Variants in ADAMTS18 observed in about 807,000 individuals in gnomAD.
ADAMTS18 encodes ADAM metallopeptidase with thrombospondin type 1 motif 18, also known as A disintegrin and metalloproteinase with thrombospondin motifs 18.
ADAMTS18 carries 157 observed loss-of-function variants against 165.9 expected under a neutral mutation model. The observed-to-expected ratio is 0.95, with a 90% confidence interval of 0.83 to 1.08. ADAMTS18 has a LOEUF of 1.08. ADAMTS18 is among the 50% of genes least tolerant of loss of function. The pLI, the probability that ADAMTS18 is intolerant of heterozygous loss-of-function variation, is 0.00. For missense variants in ADAMTS18, 2,040 were observed against 1,534.0 expected (o/e 1.33, Z -5.51); for synonymous variants, 782 against 578.2 (o/e 1.35, Z -5.06).
intron 12 of ADAMTS18, among the ~76,000 whole-genome samples, chr16:77,328,250 G>A (rs985434731): frequency 1.6e-4 from 24 of 152,118 alleles, no homozygotes; most frequent in African/African-American, 5.8e-4. Flanking sequence ...CTTACTCCGT[G>A]CACAAAGATG....
chr16:77,401,810 C>G (rs2057335476), intron 3 of ADAMTS18, among the ~76,000 whole-genome samples: 4 of 152,330 alleles, frequency 2.6e-5, no homozygotes, highest in African/African-American at 9.6e-5. Context: ...TGATCTCTCT[C>G]TCGCTCTCTT....
chr16:77,364,135 C>A, intron 5 of ADAMTS18, 53 bp downstream of exon 5: 1 of 1,608,820 alleles, frequency 6.2e-7, no homozygotes, highest in African/African-American at 1.3e-5. Flanking sequence ...AAGAGAATTC[C>A]ATGACATTTA....
At chr16:77,373,128 G>C (rs541636585) in intron 3 of ADAMTS18, among the ~76,000 whole-genome samples, 1 of 151,564 alleles carries the variant, frequency 6.6e-6, no homozygotes, top group Non-Finnish European at 1.5e-5. Context: ...TGGCTTTCTG[G>C]TGCTCATTGC....
intron 9 of ADAMTS18, among the ~76,000 whole-genome samples, 178 bp downstream of exon 9, chr16:77,355,762 T>C (rs1056285510): frequency 6.6e-6 from 1 of 152,194 alleles, no homozygotes; most frequent in Non-Finnish European, 1.5e-5. Context: ...AACATTAGGC[T>C]TCAATCTATT....
chr16:77,328,421 TG>T (rs1386656211), intron 12 of ADAMTS18, among the ~76,000 whole-genome samples: 2 of 152,184 alleles, frequency 1.3e-5, no homozygotes, highest in Admixed American at 6.5e-5. Flanking sequence ...AAAACAGCCC[TG>T]GAGTTGCTTC....
At chr16:77,418,337 T>C (rs1166725654) in intron 3 of ADAMTS18, among the ~76,000 whole-genome samples, 1 of 152,172 alleles carries the variant, frequency 6.6e-6, no homozygotes, top group Non-Finnish European at 1.5e-5. Flanking sequence ...AGAATAGAGT[T>C]TGTGATTGTG....
At chr16:77,334,817 T>A (rs868477971) in intron 12 of ADAMTS18, among the ~76,000 whole-genome samples, 221 of 74,380 alleles carry the variant, frequency 3.0e-3, no homozygotes, top group South Asian at 4.1e-3. Context: ...GTATACAGTA[T>A]ATATACTATA....
intron 3 of ADAMTS18, among the ~76,000 whole-genome samples, chr16:77,372,884 T>G (rs1461883502): frequency 6.6e-6 from 1 of 152,176 alleles, no homozygotes. Context: ...TGTCCAGCAC[T>G]AATCAACTTC....
At chr16:77,420,446 G>C (rs1327120933) in intron 3 of ADAMTS18, among the ~76,000 whole-genome samples, 1 of 152,070 alleles carries the variant, frequency 6.6e-6, no homozygotes, top group African/African-American at 2.4e-5. Context: ...CAGACATTCT[G>C]CTCTAATTGT....
chr16:77,392,889 C>T (rs2057207766), intron 3 of ADAMTS18, among the ~76,000 whole-genome samples: 2 of 152,112 alleles, frequency 1.3e-5, no homozygotes, highest in Non-Finnish European at 2.9e-5. Context: ...TCTATTAAAT[C>T]CTTTTCTATG....
chr16:77,328,688 T>C (rs1171907444), intron 12 of ADAMTS18, among the ~76,000 whole-genome samples: 1 of 152,234 alleles, frequency 6.6e-6, no homozygotes, highest in Non-Finnish European at 1.5e-5. Flanking sequence ...ACAAGGCATA[T>C]TTAAAACTAA....
intron 3 of ADAMTS18, among the ~76,000 whole-genome samples, chr16:77,398,706 G>A (rs2057290127): frequency 6.6e-6 from 1 of 152,126 alleles, no homozygotes; most frequent in African/African-American, 2.4e-5. Context: ...CCCACTTGAT[G>A]ACCTTAGTAC....
At chr16:77,310,277 T>C (rs1340806778) in intron 16 of ADAMTS18, among the ~76,000 whole-genome samples, 1 of 152,248 alleles carries the variant, frequency 6.6e-6, no homozygotes, top group Non-Finnish European at 1.5e-5. Flanking sequence ...TTCCAGACAC[T>C]GTGCCAATTG....
At position 77,371,578 on chromosome 16, in the gene ADAMTS18, A is replaced by G. The variant is rs58648922; in HGVS notation, c.496-3855T>C. On this transcript the variant is annotated intron_variant, in intron 3 of 22. Transcript: ENST00000282849. The stretch of plus-strand genomic sequence containing the variant: ...TGCTGGAAAAACTGGATATTCATAT[A>G]CAGAAGAATGAAATTTGACTCTTAC... Among the ~76,000 whole-genome samples the G allele has an allele frequency of 4.0e-3, 614 of 152,322 alleles. 8 individuals are homozygous for G. The highest frequency in any genetic ancestry group is 0.014 in the African/African-American group (592 of 41,574).
chr16:77,302,835 A>G (rs1239365645), intron 16 of ADAMTS18, among the ~76,000 whole-genome samples: 1 of 152,210 alleles, frequency 6.6e-6, no homozygotes, highest in East Asian at 1.9e-4. Context: ...TTTCACTGCA[A>G]AACATTTTTA....
At chr16:77,424,606 A>C (rs184984409) in intron 3 of ADAMTS18, among the ~76,000 whole-genome samples, 16 of 152,334 alleles carry the variant, frequency 1.1e-4, no homozygotes, top group African/African-American at 3.8e-4. Context: ...TTTTAAAAAG[A>C]AGTTTGATCT....
At chr16:77,325,675 G>T (rs1016047691) in intron 13 of ADAMTS18, among the ~76,000 whole-genome samples, 191 bp downstream of exon 13, 8 of 144,906 alleles carry the variant, frequency 5.5e-5, no homozygotes, top group Non-Finnish European at 1.1e-4. Flanking sequence ...TATCTTATAG[G>T]GGGAAAAAAA....
rs753902193 is a variant in ADAMTS18 at position 77,291,275 on chromosome 16, C to G, written c.3393G>C (p.Pro1131=). 1 of 1,614,038 alleles carries G rather than the reference C, an allele frequency of 6.2e-7. No homozygotes were observed. Among genetic ancestry groups the G allele is most frequent in the South Asian group, 1.1e-5 (1 of 91,072 alleles). The stretch of plus-strand genomic sequence containing the variant: ...ATCGGCCTGTACCCACCTGCTGCCA[C>G]GGCAATGAATACCATCCAGCTACCA... ...YNMVAGWYSL[P]WQQCTVTCGG... is the part of the protein sequence containing the mutation. The change falls in exon 21 of 23, where the codon CCG becomes CCC. Residue 1131 remains proline, a synonymous_variant. Transcript: ENST00000282849.
At chr16:77,313,807 T>C (rs1208120192) in intron 16 of ADAMTS18, among the ~76,000 whole-genome samples, 3 of 152,028 alleles carry the variant, frequency 2.0e-5, no homozygotes, top group Non-Finnish European at 2.9e-5. Context: ...ACTGATACCT[T>C]CAAGCCGAAA....
Sources: allele counts gnomAD v4.1 joint callset (sites outside exome capture counted in the v4.1 genomes callset), GRCh38; gene constraint gnomAD v4.1.1; transcripts MANE v1.5; gene names NCBI Gene and HGNC (gene_info 2026-07-23, HGNC 2026-07-21).